Variants in C4orf36 observed in about 807,000 individuals in gnomAD.
C4orf36 encodes the protein uncharacterized protein C4orf36.
In C4orf36, 11 loss-of-function variants were observed where a neutral mutation model predicts 12.2. The ratio of observed to expected loss-of-function variants is 0.90; its 90% CI spans 0.57 to 1.49. The LOEUF is 1.49. C4orf36 is among the 40% of genes most tolerant of loss of function. The pLI, the probability that C4orf36 is intolerant of heterozygous loss-of-function variation, is 0.00. For synonymous variants in C4orf36, 54 were observed against 51.3 expected (o/e 1.05, Z -0.22); for missense variants, 137 against 133.9 (o/e 1.02, Z -0.11).
the C4orf36 span, chr4:86,913,764 G>T: frequency 7.0e-7 from 1 of 1,436,826 alleles, no homozygotes; most frequent in Non-Finnish European, 9.8e-7. Context: ...ACCTAACTCT[G>T]ACATCAGCTG....
chr4:86,880,323 T>G (rs1288602278), intron 4 of C4orf36, among the ~76,000 whole-genome samples: 1 of 152,096 alleles, frequency 6.6e-6, no homozygotes, highest in Non-Finnish European at 1.5e-5. Flanking sequence ...AAATCCAAAA[T>G]TAGCCAGGCG....
chr4:86,928,418 A>T, the C4orf36 span, among the ~76,000 whole-genome samples: 1 of 152,134 alleles, frequency 6.6e-6, no homozygotes, highest in African/African-American at 2.4e-5. Flanking sequence ...CTGCCCTTCT[A>T]TCTCCTCCCA....
rs147010675 is a variant in C4orf36 at position 86,880,561 on chromosome 4, CA to C, written c.*3-4119del. The stretch of plus-strand genomic sequence containing the variant: ...CACTATGTGTGGCAAAACTGTCCTT[CA>C]AAAATTAAAAAGAAATTAAAACTTT... On this transcript the variant is annotated intron_variant, in intron 4 of 4. Coordinates refer to ENST00000295898, the MANE Select transcript of C4orf36 (RefSeq NM_144645.4). 6.8e-3 allele frequency among the ~76,000 whole-genome samples: 1,041 copies of C among 152,226 alleles called. 15 individuals are homozygous for C. The highest frequency in any genetic ancestry group is 0.023 in the African/African-American group (975 of 41,546).
At chr4:86,884,638 T>C (rs1747129171) in intron 4 of C4orf36, among the ~76,000 whole-genome samples, 1 of 152,130 alleles carries the variant, frequency 6.6e-6, no homozygotes, top group Non-Finnish European at 1.5e-5. Context: ...AAAAACAAAG[T>C]GAGTTCTACT....
At chr4:86,911,101 A>T in the C4orf36 span, among the ~76,000 whole-genome samples, 1 of 152,054 alleles carries the variant, frequency 6.6e-6, no homozygotes, top group Admixed American at 6.6e-5. Context: ...AAAGAAAAAA[A>T]GTTTTGCATG....
the C4orf36 span, among the ~76,000 whole-genome samples, chr4:86,917,472 G>GA: frequency 0.46 from 65,635 of 143,416 alleles, 16,049 homozygotes; most frequent in Middle Eastern, 0.61. Flanking sequence ...AGAAAAGAAA[G>GA]AAATAAAGAA....
At chr4:86,901,479 C>A in the C4orf36 span, among the ~76,000 whole-genome samples, 63 of 151,890 alleles carry the variant, frequency 4.1e-4, no homozygotes, top group Non-Finnish European at 8.5e-4. Context: ...GCGATCTCGG[C>A]TCACTGCAAG....
the C4orf36 span, among the ~76,000 whole-genome samples, chr4:86,917,521 AAAG>A: frequency 1.8e-4 from 26 of 147,526 alleles, no homozygotes; most frequent in African/African-American, 5.4e-4. Context: ...AGAAGAAAGA[AAAG>A]AGAGAGAAAG....
At chr4:86,914,323 C>G in the C4orf36 span, 7 of 1,570,096 alleles carry the variant, frequency 4.5e-6, no homozygotes, top group Admixed American at 1.2e-4. Context: ...CAGTCAATAC[C>G]TGTGATATGT....
the C4orf36 span, among the ~76,000 whole-genome samples, chr4:86,898,458 G>A: frequency 6.6e-6 from 1 of 152,246 alleles, no homozygotes; most frequent in African/African-American, 2.4e-5. Flanking sequence ...AGCACTTTGG[G>A]AGGCCAACGT....
chr4:86,885,136 C>T (rs1304589874), intron 4 of C4orf36, among the ~76,000 whole-genome samples: 1 of 152,156 alleles, frequency 6.6e-6, no homozygotes, highest in African/African-American at 2.4e-5. Context: ...TAGCGTGATG[C>T]CTCCAGCTTT....
the C4orf36 span, among the ~76,000 whole-genome samples, chr4:86,899,991 T>C: frequency 6.6e-6 from 1 of 151,868 alleles, no homozygotes; most frequent in African/African-American, 2.4e-5. Context: ...CATTAAAAAC[T>C]AGTACTGGTC....
chr4:86,895,389 G>A (rs1342169873), upstream of C4orf36, among the ~76,000 whole-genome samples: 1 of 152,092 alleles, frequency 6.6e-6, no homozygotes. Context: ...ACAATAGATA[G>A]CATTAGACAG....
intron 2 of C4orf36, among the ~76,000 whole-genome samples, chr4:86,890,993 C>A (rs1747384855): frequency 6.6e-6 from 1 of 150,980 alleles, no homozygotes; most frequent in African/African-American, 2.5e-5. Context: ...CCACTGCCTG[C>A]CAAAGTATAC....
chr4:86,900,947 C>G, the C4orf36 span, among the ~76,000 whole-genome samples: 1 of 151,764 alleles, frequency 6.6e-6, no homozygotes, highest in African/African-American at 2.4e-5. Context: ...AAATTGTAAG[C>G]CAGATCATGT....
At chr4:86,902,947 A>G in the C4orf36 span, among the ~76,000 whole-genome samples, 2 of 152,350 alleles carry the variant, frequency 1.3e-5, no homozygotes, top group South Asian at 4.1e-4. Context: ...ATCATGAAAG[A>G]CAAGACAGTG....
chr4:86,882,826 C>A (rs1449125115), intron 4 of C4orf36, among the ~76,000 whole-genome samples: 2 of 152,288 alleles, frequency 1.3e-5, no homozygotes, highest in South Asian at 4.1e-4. Flanking sequence ...ATATGTATAG[C>A]TTTCCCCCCA....
chr4:86,917,438 GGAGA>G, the C4orf36 span, among the ~76,000 whole-genome samples: 5 of 139,868 alleles, frequency 3.6e-5, no homozygotes, highest in Admixed American at 3.8e-4. Flanking sequence ...AAAAAGAAAG[GGAGA>G]GAAAGAGAAA....
chr4:86,880,963 G>A (rs577365121), intron 4 of C4orf36, among the ~76,000 whole-genome samples: 6 of 151,518 alleles, frequency 4.0e-5, no homozygotes, highest in South Asian at 2.1e-4. Context: ...AACCCAGGAG[G>A]TGGAGGTTGC....
Sources: allele counts gnomAD v4.1 joint callset (sites outside exome capture counted in the v4.1 genomes callset), GRCh38; gene constraint gnomAD v4.1.1; transcripts MANE v1.5; gene names NCBI Gene and HGNC (gene_info 2026-07-23, HGNC 2026-07-21).